Variants in LRRIQ4 observed in about 807,000 individuals in gnomAD.
The protein encoded by LRRIQ4 is leucine-rich repeat and IQ domain-containing protein 4.
A neutral mutation model predicts 40.1 loss-of-function variants in LRRIQ4; 21 were observed. The observed-to-expected ratio is 0.52, with a 90% confidence interval of 0.37 to 0.75. LRRIQ4 has a LOEUF of 0.75. Ranked by LOEUF, LRRIQ4 falls within the 30% of genes least tolerant of loss-of-function variation. The pLI, the probability that LRRIQ4 is intolerant of heterozygous loss-of-function variation, is 0.00. For missense variants in LRRIQ4, 655 were observed against 660.0 expected (o/e 0.99, Z 0.08); for synonymous variants, 277 against 277.1 (o/e 1.00, Z 0.00).
At chr3:169,823,265 A>G (rs116380349) in intron 2 of LRRIQ4, among the ~76,000 whole-genome samples, 2,386 of 152,062 alleles carry the variant, frequency 0.016, 68 homozygotes, top group African/African-American at 0.055. Flanking sequence ...TAACTAACAT[A>G]TCCAAGGTTA....
At chr3:169,818,393 T>C (rs1779807850) in intron 1 of LRRIQ4, among the ~76,000 whole-genome samples, 2 of 152,192 alleles carry the variant, frequency 1.3e-5, no homozygotes, top group Admixed American at 1.3e-4. Flanking sequence ...AGTTGTTCAA[T>C]TTGGTGTTCC....
At chr3:169,814,175 T>C (rs923505721) in intron 1 of LRRIQ4, among the ~76,000 whole-genome samples, 15 of 152,060 alleles carry the variant, frequency 9.9e-5, no homozygotes, top group Non-Finnish European at 1.9e-4. Flanking sequence ...CAAGGTTTTA[T>C]TGATTGGTGG....
intron 5 of LRRIQ4, among the ~76,000 whole-genome samples, chr3:169,835,811 C>T (rs1000868814): frequency 6.6e-6 from 1 of 152,164 alleles, no homozygotes; most frequent in Non-Finnish European, 1.5e-5. Context: ...CCTCCAAGGA[C>T]CAAGCATGTT....
chr3:169,827,475 T>C (rs942312311), intron 2 of LRRIQ4, among the ~76,000 whole-genome samples: 7 of 151,456 alleles, frequency 4.6e-5, no homozygotes, highest in Admixed American at 6.6e-5. Context: ...GGCGTGGTGG[T>C]GGGCGCCTGT....
chr3:169,826,312 AAC>A (rs1780039343), intron 2 of LRRIQ4, among the ~76,000 whole-genome samples: 3 of 151,854 alleles, frequency 2.0e-5, no homozygotes, highest in African/African-American at 7.3e-5. Flanking sequence ...GAATCGCTTG[AAC>A]CCAGGAGGCA....
In LRRIQ4 at chr3:169,822,410, C is replaced by T. The variant is rs1779921718; in HGVS notation, c.489C>T (p.Asn163=). The change falls in exon 2 of 6, where the codon AAC becomes AAT. Residue 163 remains asparagine, a synonymous_variant. Coordinates refer to ENST00000340806, the MANE Select transcript of LRRIQ4 (RefSeq NM_001080460.3). ...HLKCLPKEIV[N]QTKLREIYLK... The stretch of plus-strand genomic sequence containing the variant: ...AATGTCTGCCCAAGGAAATAGTGAA[C>T]CAGACCAAGCTGAGGGAGATCTACC... The T allele has an allele frequency of 6.2e-7, 1 of 1,612,904 alleles. No homozygotes were observed. The highest frequency in any genetic ancestry group is 8.5e-7 in the Non-Finnish European group (1 of 1,179,408).
chr3:169,822,929 T>C lies in LRRIQ4; in HGVS notation c.1008T>C (p.Asn336=), dbSNP rs778272952. Residue 336 remains asparagine (N), a synonymous_variant, in exon 2 of 6, where the codon AAT becomes AAC. Transcript: ENST00000340806. ...KNLEVLGLDD[N]KIGQLPSELG... ...TTGAAGTCCTGGGACTGGATGACAA[T>C]AAAATAGGACAGGTACGGATTCCTT... 14 of 1,536,974 alleles carry C rather than the reference T, an allele frequency of 9.1e-6. No homozygotes were observed. The highest frequency in any genetic ancestry group is 1.1e-5 in the Non-Finnish European group (13 of 1,144,146).
Position 169,833,303 on chromosome 3 carries a change from T to C in LRRIQ4, c.1530+120T>C, listed in dbSNP as rs569368459. Reference sequence around the variant, plus strand: ...CTTGTCCTGCTTCTGAAAAGAGAAGTTACTTGGTAACTTTTATGTCCCCAG... The same window carrying C: ...CTTGTCCTGCTTCTGAAAAGAGAAGCTACTTGGTAACTTTTATGTCCCCAG... On this transcript the variant is annotated intron_variant, in intron 5 of 5. Coordinates refer to ENST00000340806, the MANE Select transcript of LRRIQ4 (RefSeq NM_001080460.3). 4.9e-4 allele frequency: 400 copies of C among 819,688 alleles called. 5 individuals carry two copies. The South Asian group carries it at 8.7e-3, about 18-fold the overall frequency. 50.8% of individuals were successfully genotyped at this position (819,688 alleles called of 1,614,324 possible). A position where few individuals can be genotyped will look rare whatever the true frequency, so the allele number is the denominator to read the frequency against.
At chr3:169,815,926 A>G (rs1412560954) in intron 1 of LRRIQ4, among the ~76,000 whole-genome samples, 1 of 152,222 alleles carries the variant, frequency 6.6e-6, no homozygotes, top group African/African-American at 2.4e-5. Flanking sequence ...TTCTGTTGAT[A>G]GGTTGTATCA....
At chr3:169,836,322 A>AAAATACCATAG (rs1183744030) in intron 5 of LRRIQ4, among the ~76,000 whole-genome samples, 23 of 152,204 alleles carry the variant, frequency 1.5e-4, no homozygotes, top group African/African-American at 5.3e-4. Context: ...CTGCCACAAC[A>AAAATACCATAG]AAATACCATA....
intron 1 of LRRIQ4, among the ~76,000 whole-genome samples, chr3:169,820,249 CTGTGTGTGTG>C (rs55800037): frequency 0.04 from 5,785 of 143,742 alleles, 296 homozygotes; most frequent in East Asian, 0.26. Flanking sequence ...CCCATAGACT[CTGTGTGTGTG>C]TGTGTGTGTG....
intron 1 of LRRIQ4, among the ~76,000 whole-genome samples, chr3:169,818,120 C>T (rs766194034): frequency 9.9e-5 from 15 of 152,180 alleles, no homozygotes; most frequent in Non-Finnish European, 2.2e-4. Flanking sequence ...GAATTCTACC[C>T]GATGTTGCTT....
chr3:169,821,831 G>T, intron 1 of LRRIQ4, 60 bp from the exon 2 acceptor site: 6 of 829,406 alleles, frequency 7.2e-6, no homozygotes, highest in African/African-American at 1.8e-5. Context: ...TTTTCTTAAG[G>T]ATAGCAAGTC....
chr3:169,826,408 A>AAG (rs1553922464), intron 2 of LRRIQ4, among the ~76,000 whole-genome samples: 9 of 151,644 alleles, frequency 5.9e-5, no homozygotes, highest in African/African-American at 2.2e-4. Context: ...AAAAAAAAGA[A>AAG]AAAGAAAAAG....
intron 1 of LRRIQ4, among the ~76,000 whole-genome samples, chr3:169,819,567 C>T (rs1309290489): frequency 6.6e-6 from 1 of 152,182 alleles, no homozygotes; most frequent in East Asian, 1.9e-4. Context: ...TGCCAGGTTT[C>T]CTGTAAACGA....
chr3:169,830,503 G>A lies in LRRIQ4; in HGVS notation c.1206G>A (p.Glu402=). Residue 402 remains glutamate, a synonymous_variant, in exon 4 of 6, where the codon GAG becomes GAA. Coordinates refer to ENST00000340806, the MANE Select transcript of LRRIQ4 (RefSeq NM_001080460.3). ...TCATGTTATTTCAGAGTCTCAAAGA[G>A]CTATATATAGAGAACAATCATCTGG... The part of the protein sequence containing the change: ...EHIRKLQSLK[E]LYIENNHLEY... 6.3e-7 allele frequency: 1 copy of A among 1,596,264 alleles called. No individual in the cohort carries two copies. The highest frequency in any genetic ancestry group is 2.3e-5 in the East Asian group (1 of 44,338).
At chr3:169,827,777 G>A (rs1369136874) in intron 2 of LRRIQ4, among the ~76,000 whole-genome samples, 5 of 152,148 alleles carry the variant, frequency 3.3e-5, no homozygotes, top group African/African-American at 1.2e-4. Context: ...TTCACAGGAG[G>A]TGGTGTTTAG....
Position 169,833,770 on chromosome 3 carries a change from G to T in LRRIQ4, c.1530+587G>T, listed in dbSNP as rs75121298. ...CTCTGACTACTGTCCCTGCTTGCAT[G>T]CCAGCCCCCCACAACATACCTTCTG... On this transcript the variant is annotated intron_variant, in intron 5 of 5. Transcript: ENST00000340806. 9.9e-3 allele frequency among the ~76,000 whole-genome samples: 1,505 copies of T among 152,204 alleles called. 11 individuals carry two copies. The highest frequency in any genetic ancestry group is 0.016 in the Admixed American group (249 of 15,270).
chr3:169,824,661 C>T (rs920337909), intron 2 of LRRIQ4, among the ~76,000 whole-genome samples: 5 of 151,628 alleles, frequency 3.3e-5, no homozygotes, highest in East Asian at 2.0e-4. Context: ...TACAGGTGTG[C>T]GCCATCACAC....
Sources: allele counts gnomAD v4.1 joint callset (sites outside exome capture counted in the v4.1 genomes callset), GRCh38; gene constraint gnomAD v4.1.1; transcripts MANE v1.5; gene names NCBI Gene and HGNC (gene_info 2026-07-23, HGNC 2026-07-21).